The following PARVA variants were observed in gnomAD, a reference collection of about 807,000 sequenced individuals.
PARVA encodes alpha-parvin.
A neutral mutation model predicts 52.6 loss-of-function variants in PARVA; 25 were observed. That is an observed-to-expected ratio of 0.48 (90% CI 0.35 to 0.66). PARVA has a LOEUF of 0.66. PARVA is among the 30% of genes least tolerant of loss of function. PARVA has a pLI of 0.01. For missense variants in PARVA, 373 were observed against 450.9 expected (o/e 0.83, Z 1.56); for synonymous variants, 185 against 179.1 (o/e 1.03, Z -0.26).
chr11:12,447,726 C>T (rs540780911), intron 1 of PARVA, among the ~76,000 whole-genome samples: 20 of 151,990 alleles, frequency 1.3e-4, no homozygotes, highest in Non-Finnish European at 2.8e-4. Flanking sequence ...AAGGTAGATG[C>T]CCAATATATT....
chr11:12,497,899 T>C (rs1941318331), intron 5 of PARVA, among the ~76,000 whole-genome samples: 1 of 152,168 alleles, frequency 6.6e-6, no homozygotes, highest in African/African-American at 2.4e-5. Context: ...TTTAGTTTGG[T>C]TTGATCCTAT....
chr11:12,400,172 G>C (rs781266958), intron 1 of PARVA, among the ~76,000 whole-genome samples: 2 of 152,196 alleles, frequency 1.3e-5, no homozygotes, highest in Non-Finnish European at 2.9e-5. Flanking sequence ...GCCAACATAT[G>C]TTCCCAGCCG....
At chr11:12,501,470 G>C (rs1941362950) in intron 5 of PARVA, among the ~76,000 whole-genome samples, 1 of 152,096 alleles carries the variant, frequency 6.6e-6, no homozygotes, top group African/African-American at 2.4e-5. Flanking sequence ...AGAAACTCTA[G>C]CATCACCAAG....
At chr11:12,458,268 G>A (rs191472482) in intron 1 of PARVA, among the ~76,000 whole-genome samples, 24 of 152,304 alleles carry the variant, frequency 1.6e-4, no homozygotes, top group Non-Finnish European at 1.9e-4. Context: ...AGTCCTCGGC[G>A]CAGGGCCTGG....
chr11:12,419,203 T>TAGGAG (rs1940112464), intron 1 of PARVA, among the ~76,000 whole-genome samples: 1 of 152,190 alleles, frequency 6.6e-6, no homozygotes, highest in South Asian at 2.1e-4. Flanking sequence ...TCACACTGTT[T>TAGGAG]TGTAACCAAC....
chr11:12,523,750 C>CCT (rs1294545516), intron 12 of PARVA, among the ~76,000 whole-genome samples: 2 of 152,208 alleles, frequency 1.3e-5, no homozygotes, highest in Admixed American at 1.3e-4. Context: ...GCCCCATAGT[C>CCT]CTGGCTGTCT....
intron 11 of PARVA, 59 bp downstream of exon 11, chr11:12,517,770 C>A: frequency 1.7e-6 from 2 of 1,184,682 alleles, no homozygotes; most frequent in Non-Finnish European, 1.2e-6. Context: ...CTCATGTGCC[C>A]ACACCCATGC....
chr11:12,453,067 G>T, intron 1 of PARVA: 1 of 455,474 alleles, frequency 2.2e-6, no homozygotes, highest in South Asian at 1.6e-5. Context: ...AACGTGCTGT[G>T]GTGGGAGCGA....
rs35501237 is a variant in PARVA, at chr11:12,484,504, G to GGTGTGTGTGTGT, written c.400+6589_400+6600dup. On this transcript the variant is annotated intron_variant, in intron 4 of 12. Transcript: ENST00000334956. The stretch of plus-strand genomic sequence containing the variant: ...TTCTGCAGGAGGGTGGTTTTGTTTT[G>GGTGTGTGTGTGT]GTGTGTGTGTGTGTGTGTGTGTGTG... 2.9e-3 allele frequency among the ~76,000 whole-genome samples: 418 copies of GGTGTGTGTGTGT among 144,664 alleles called. 2 individuals carry two copies. Among genetic ancestry groups the GGTGTGTGTGTGT allele is most frequent in the African/African-American group, 9.3e-3 (351 of 37,904 alleles). The allele number at this position is 144,664 out of a possible 152,430, so 94.9% of individuals were successfully genotyped here.
chr11:12,527,453 C>G (rs542421484), intron 12 of PARVA, among the ~76,000 whole-genome samples: 1 of 152,300 alleles, frequency 6.6e-6, no homozygotes, highest in East Asian at 1.9e-4. Flanking sequence ...TTCCTGAGTA[C>G]TCCTTGCAAG....
intron 1 of PARVA, among the ~76,000 whole-genome samples, chr11:12,432,837 T>G (rs1312569658): frequency 6.6e-6 from 1 of 152,200 alleles, no homozygotes; most frequent in East Asian, 1.9e-4. Flanking sequence ...TTTTCTATCA[T>G]GACCTCTGAA....
intron 6 of PARVA, among the ~76,000 whole-genome samples, chr11:12,505,373 C>A (rs1941420671): frequency 6.6e-6 from 1 of 152,178 alleles, no homozygotes; most frequent in South Asian, 2.1e-4. Flanking sequence ...GTTTCCAAGA[C>A]AAAAGGACTT....
At chr11:12,422,560 C>T (rs1940165857) in intron 1 of PARVA, among the ~76,000 whole-genome samples, 1 of 150,800 alleles carries the variant, frequency 6.6e-6, no homozygotes, top group Non-Finnish European at 1.5e-5. Context: ...ATTCATGTTT[C>T]TTTAATTGTG....
chr11:12,486,932 C>T (rs934906752), intron 4 of PARVA, among the ~76,000 whole-genome samples: 3 of 152,120 alleles, frequency 2.0e-5, no homozygotes, highest in Non-Finnish European at 2.9e-5. Flanking sequence ...GTTTTGGTAG[C>T]GGCAACTAGT....
At chr11:12,462,806 C>G (rs980364019) in intron 1 of PARVA, among the ~76,000 whole-genome samples, 1 of 152,136 alleles carries the variant, frequency 6.6e-6, no homozygotes, top group African/African-American at 2.4e-5. Context: ...TGCCAGGCAT[C>G]CCTAAGTTAG....
Position 12,517,660 on chromosome 11 carries a change from C to T in PARVA, c.918C>T (p.Tyr306=), listed in dbSNP as rs1381413232. The T allele has an allele frequency of 6.2e-7, 1 of 1,605,894 alleles. No homozygotes were observed. The highest frequency in any genetic ancestry group is 1.3e-5 in the African/African-American group (1 of 74,822). Residue 306 remains tyrosine, a synonymous_variant, in exon 11 of 13, where the codon TAC becomes TAT. Coordinates refer to ENST00000334956, the MANE Select transcript of PARVA (RefSeq NM_018222.5). ...TGCTCATGGGGCTCCTGGAGGGCTA[C>T]TTTGTGCCCCTGCACAGCTTCTTCC... is the stretch of plus-strand genomic sequence containing the variant. ...LVLLMGLLEG[Y]FVPLHSFFLT... is the part of the protein sequence containing the mutation.
In PARVA at chr11:12,530,083, A is replaced by G. The variant is rs1941751925; in HGVS notation, c.*2158A>G. 6.6e-6 allele frequency: 1 copy of G among 152,226 alleles called. No homozygotes were observed. Among genetic ancestry groups the G allele is most frequent in the African/African-American group, 2.4e-5 (1 of 41,464 alleles). The allele number at this position is 152,226 out of a possible 1,614,324, so 9.4% of individuals were successfully genotyped here. On this transcript the variant is annotated 3_prime_UTR_variant, in exon 13 of 13. Coordinates refer to ENST00000334956, the MANE Select transcript of PARVA (RefSeq NM_018222.5). ...CTCTTTTTCTTATATTCAAGTTACA[A>G]ATGTACAAGTATCCTTACTAAGAGT...
Position 12,518,870 on chromosome 11 carries a change from G to A in PARVA, c.1042+353G>A, listed in dbSNP as rs530345828. ...TGTCCCCGCCAGTCGGGGTGAAGGT[G>A]CAGCGCAGACAGTTCTGGGCTGAGC... On this transcript the variant is annotated intron_variant, in intron 12 of 12. Transcript: ENST00000334956. 4.6e-5 allele frequency among the ~76,000 whole-genome samples: 7 copies of A among 152,348 alleles called. No homozygotes were observed. In the East Asian group the frequency reaches 1.4e-3, roughly 30 times the overall value.
intron 12 of PARVA, among the ~76,000 whole-genome samples, chr11:12,521,706 C>G (rs1331168799): frequency 1.3e-5 from 2 of 152,012 alleles, no homozygotes; most frequent in Non-Finnish European, 2.9e-5. Flanking sequence ...CACAGGGGTC[C>G]TTATTATAAG....
Sources: gnomAD v4.1 joint callset for allele counts (sites outside exome capture counted in the v4.1 genomes callset) on GRCh38, gnomAD v4.1.1 for gene constraint, MANE v1.5 for transcripts, NCBI Gene and HGNC (gene_info 2026-07-23, HGNC 2026-07-21) for gene names.